The following STXBP4 variants were observed in gnomAD, a reference collection of about 807,000 sequenced individuals.
The protein encoded by STXBP4 is syntaxin binding protein 4.
A neutral mutation model predicts 76.1 loss-of-function variants in STXBP4; 55 were observed. That is an observed-to-expected ratio of 0.72 (90% confidence interval 0.58 to 0.91). The LOEUF is 0.91. STXBP4 is among the 40% of genes least tolerant of loss of function. The pLI, the probability that STXBP4 is intolerant of heterozygous loss-of-function variation, is 0.00. For synonymous variants in STXBP4, 201 were observed against 220.2 expected (o/e 0.91, Z 0.77); for missense variants, 618 against 636.9 (o/e 0.97, Z 0.32).
At chr17:55,066,558 G>T (rs1189436875) in intron 12 of STXBP4, among the ~76,000 whole-genome samples, 1 of 151,980 alleles carries the variant, frequency 6.6e-6, no homozygotes, top group East Asian at 1.9e-4. Flanking sequence ...ATAAATTAAT[G>T]TTCATAATTT....
At chr17:55,111,320 C>T (rs1304055347) in intron 16 of STXBP4, among the ~76,000 whole-genome samples, 6 of 152,170 alleles carry the variant, frequency 3.9e-5, no homozygotes, top group Admixed American at 1.3e-4. Context: ...TTCTACCACT[C>T]TTCCCCTGCT....
intron 7 of STXBP4, among the ~76,000 whole-genome samples, chr17:55,005,850 A>G (rs2077996913): frequency 6.6e-6 from 1 of 152,174 alleles, no homozygotes; most frequent in Non-Finnish European, 1.5e-5. Context: ...TTGGTCTTCC[A>G]TATCATTCCA....
At chr17:55,116,768 G>A (rs115282876) in intron 16 of STXBP4, among the ~76,000 whole-genome samples, 1,994 of 151,780 alleles carry the variant, frequency 0.013, 42 homozygotes, top group South Asian at 0.045. Flanking sequence ...AAAACTTTGG[G>A]CCTTTGTGCT....
intron 11 of STXBP4, 90 bp from the exon 12 acceptor site, chr17:55,046,999 G>A: frequency 1.2e-5 from 8 of 653,410 alleles, no homozygotes; most frequent in Non-Finnish European, 2.1e-5. Context: ...TTTGATATTT[G>A]GGAATATAGG....
chr17:55,108,682 C>T (rs529982625), intron 16 of STXBP4, among the ~76,000 whole-genome samples: 1 of 152,286 alleles, frequency 6.6e-6, no homozygotes, highest in East Asian at 1.9e-4. Flanking sequence ...ACCCCTTGCA[C>T]TTCCTGGGTA....
intron 16 of STXBP4, among the ~76,000 whole-genome samples, chr17:55,119,769 C>G (rs909482303): frequency 3.7e-5 from 5 of 135,974 alleles, no homozygotes; most frequent in African/African-American, 1.4e-4. Flanking sequence ...TGTTCTTTAC[C>G]AAAATGTATT....
intron 12 of STXBP4, among the ~76,000 whole-genome samples, chr17:55,061,364 G>A (rs2078993243): frequency 6.6e-6 from 1 of 152,104 alleles, no homozygotes; most frequent in African/African-American, 2.4e-5. Flanking sequence ...GAATTGATGT[G>A]ATTTCTCTTA....
chr17:55,030,958 G>A (rs1053516226), intron 8 of STXBP4: 2 of 458,216 alleles, frequency 4.4e-6, no homozygotes, highest in Middle Eastern at 6.0e-4. Flanking sequence ...TAAAGTGCTA[G>A]TCTTGGGGAA....
chr17:55,073,322 G>T (rs1391542553), intron 13 of STXBP4, among the ~76,000 whole-genome samples: 1 of 152,128 alleles, frequency 6.6e-6, no homozygotes, highest in Non-Finnish European at 1.5e-5. Flanking sequence ...AAATTGTTCA[G>T]TTCAGGTATT....
chr17:55,052,791 A>G (rs1001665437), intron 12 of STXBP4, among the ~76,000 whole-genome samples: 5 of 151,708 alleles, frequency 3.3e-5, no homozygotes, highest in African/African-American at 1.2e-4. Context: ...AATGACTACA[A>G]CATCACCTGT....
chr17:55,177,753 T>TA (rs2080436287), downstream of STXBP4, among the ~76,000 whole-genome samples: 2 of 152,232 alleles, frequency 1.3e-5, no homozygotes, highest in Non-Finnish European at 2.9e-5. Flanking sequence ...AGGGGAAAAC[T>TA]AAATCAATGC....
chr17:55,103,116 C>G (rs527559083), intron 16 of STXBP4, among the ~76,000 whole-genome samples: 1 of 152,248 alleles, frequency 6.6e-6, no homozygotes. Flanking sequence ...TTTTGCTGTG[C>G]AGAAGCTCTT....
chr17:55,025,978 A>G (rs1336185365), intron 8 of STXBP4, among the ~76,000 whole-genome samples: 4 of 152,224 alleles, frequency 2.6e-5, no homozygotes, highest in African/African-American at 7.2e-5. Context: ...TTGTATTTCT[A>G]TACACTAACA....
chr17:55,188,729 G>A, the STXBP4 span, among the ~76,000 whole-genome samples: 1 of 152,190 alleles, frequency 6.6e-6, no homozygotes, highest in South Asian at 2.1e-4. Context: ...TTCTACCAAA[G>A]TGATTCCATA....
In STXBP4 at chr17:55,165,302, G is replaced by A. The variant is rs2080371343; in HGVS notation, c.*5391G>A. The A allele has an allele frequency of 2.0e-5, 3 of 152,182 alleles. No individual in the cohort carries two copies. Among genetic ancestry groups the A allele is most frequent in the Admixed American group, 6.5e-5 (1 of 15,282 alleles). The allele number at this position is 152,182 out of a possible 1,614,324, so 9.4% of individuals were successfully genotyped here. A position where few individuals can be genotyped will look rare whatever the true frequency, so the allele number is the denominator to read the frequency against. On this transcript the variant is annotated 3_prime_UTR_variant, in exon 18 of 18. Transcript: ENST00000376352. ...AGAAAAAAGAACAAAAATGTTGGTA[G>A]GGCACAGAGAAGGACCTGGGCTTAA...
rs145396107 is a variant in STXBP4 at position 55,081,445 on chromosome 17, C to T, written c.1489+262C>T. Among the ~76,000 whole-genome samples the T allele has an allele frequency of 5.8e-4, 89 of 152,162 alleles. 1 individual carries two copies. Among genetic ancestry groups the T allele is most frequent in the Admixed American group, 2.8e-3 (42 of 15,262 alleles). On this transcript the variant is annotated intron_variant, in intron 16 of 17. Transcript: ENST00000376352. Reference sequence around the variant, plus strand: ...GGCAGAATAAATGTAAAAATCAATCCGCAGCAGCACTGGAAACTGGAGGAG... The same window carrying T: ...GGCAGAATAAATGTAAAAATCAATCTGCAGCAGCACTGGAAACTGGAGGAG...
intron 1 of STXBP4, among the ~76,000 whole-genome samples, chr17:54,982,906 T>C (rs1379568174): frequency 6.6e-6 from 1 of 152,198 alleles, no homozygotes; most frequent in African/African-American, 2.4e-5. Context: ...TTTACCTGAA[T>C]TAATTTTCCA....
Position 55,024,904 on chromosome 17 carries a change from G to A in STXBP4, c.667-6264G>A, listed in dbSNP as rs553176275. ...TGTAATCCCAGCACTTTGGGAGGCC[G>A]AGGCAGGTGGATCACGAGGTCAGGA... On this transcript the variant is annotated intron_variant, in intron 8 of 17. Coordinates refer to ENST00000376352, the MANE Select transcript of STXBP4 (RefSeq NM_178509.6). Among the ~76,000 whole-genome samples the A allele has an allele frequency of 1.2e-3, 179 of 152,202 alleles. 1 individual carries two copies. The highest frequency in any genetic ancestry group is 3.9e-3 in the African/African-American group (164 of 41,538).
chr17:55,057,263 C>T (rs991106542), intron 12 of STXBP4, among the ~76,000 whole-genome samples: 11 of 152,300 alleles, frequency 7.2e-5, no homozygotes, highest in African/African-American at 2.6e-4. Context: ...CTTCGTAAAT[C>T]TCTTTCATAA....
Sources: gnomAD v4.1 joint callset for allele counts (sites outside exome capture counted in the v4.1 genomes callset) on GRCh38, gnomAD v4.1.1 for gene constraint, MANE v1.5 for transcripts, NCBI Gene and HGNC (gene_info 2026-07-23, HGNC 2026-07-21) for gene names.